RIMS1: variants seen among roughly 807,000 people sequenced by gnomAD.
RIMS1 encodes the protein regulating synaptic membrane exocytosis 1, also known as regulating synaptic membrane exocytosis protein 1.
Under a neutral mutation model 214.1 loss-of-function variants are expected in RIMS1, and 83 were observed. The ratio of observed to expected loss-of-function variants is 0.39; its 90% CI spans 0.32 to 0.47. The LOEUF (loss-of-function observed/expected upper bound fraction) is 0.47. Among genes scored for constraint, RIMS1 ranks in the 20% least tolerant of loss-of-function variants. RIMS1 has a pLI of 0.99. For missense variants in RIMS1, 2,050 were observed against 2,161.8 expected (o/e 0.95, Z 1.03); for synonymous variants, 793 against 786.8 (o/e 1.01, Z -0.13).
chr6:72,349,998 T>C (rs986853584), intron 29 of RIMS1, among the ~76,000 whole-genome samples: 1 of 152,032 alleles, frequency 6.6e-6, no homozygotes, highest in African/African-American at 2.4e-5. Context: ...GCAAGGAAAA[T>C]AGTAGGAAAA....
At chr6:72,176,774 A>G (rs944699446) in intron 4 of RIMS1, among the ~76,000 whole-genome samples, 1 of 152,254 alleles carries the variant, frequency 6.6e-6, no homozygotes, top group African/African-American at 2.4e-5. Context: ...AAATGAATAC[A>G]AAGTATTTTA....
chr6:72,094,108 G>GT (rs149450377), intron 2 of RIMS1, among the ~76,000 whole-genome samples: 51,031 of 151,842 alleles, frequency 0.34, 10,045 homozygotes, highest in South Asian at 0.47. Flanking sequence ...GAACTTGTTT[G>GT]TAAGTTGTAT....
At chr6:72,007,268 C>G (rs915497747) in intron 2 of RIMS1, among the ~76,000 whole-genome samples, 6 of 152,200 alleles carry the variant, frequency 3.9e-5, no homozygotes, top group African/African-American at 1.4e-4. Context: ...AGGGTTCTGA[C>G]TGTTAGAAGG....
In RIMS1 at chr6:72,108,857, C is replaced by A. The variant is rs529542801; in HGVS notation, c.471+8871C>A. Among the ~76,000 whole-genome samples, 851 of 118,688 alleles carry A rather than the reference C, an allele frequency of 7.2e-3. 8 individuals are homozygous for A. The highest frequency in any genetic ancestry group is 0.026 in the African/African-American group (819 of 31,272). 77.9% of individuals were successfully genotyped at this position (118,688 alleles called of 152,430 possible). On this transcript the variant is annotated intron_variant, in intron 4 of 33. Transcript: ENST00000521978. Reference sequence around the variant, plus strand: ...TAAAGCTATCCCTCCCCCCTCCCCCCACCCCACCACAGTCCCTAGAGTGTG... The same window carrying A: ...TAAAGCTATCCCTCCCCCCTCCCCCAACCCCACCACAGTCCCTAGAGTGTG...
In RIMS1 at chr6:72,176,170, C is replaced by T. The variant is rs1440426472; in HGVS notation, c.472-3405C>T. On this transcript the variant is annotated intron_variant, in intron 4 of 33. Transcript: ENST00000521978. ...TACTTTAGTTTAGATTAGTTTGGAA[C>T]ACATCCCAGGGTATTTAATCAGGGT... is the stretch of plus-strand genomic sequence containing the variant. 5.9e-5 allele frequency among the ~76,000 whole-genome samples: 9 copies of T among 152,296 alleles called. No homozygotes were observed. The East Asian group carries it at 1.5e-3, about 26-fold the overall frequency.
At chr6:72,319,907 G>A (rs1054283999) in intron 28 of RIMS1, among the ~76,000 whole-genome samples, 3 of 152,132 alleles carry the variant, frequency 2.0e-5, no homozygotes, top group East Asian at 1.9e-4. Flanking sequence ...ATGAAATAGT[G>A]TATATCAGAA....
chr6:71,911,626 A>G (rs927551015), intron 1 of RIMS1, among the ~76,000 whole-genome samples: 5 of 152,146 alleles, frequency 3.3e-5, no homozygotes, highest in Admixed American at 6.6e-5. Flanking sequence ...GATCAACTCT[A>G]TGGAAATAGG....
At chr6:72,247,263 A>T (rs1164195858) in intron 11 of RIMS1, among the ~76,000 whole-genome samples, 1 of 152,114 alleles carries the variant, frequency 6.6e-6, no homozygotes, top group East Asian at 1.9e-4. Context: ...GAGGTTCAGG[A>T]TACTCATTTA....
chr6:72,042,999 C>T (rs1821881689), intron 2 of RIMS1, among the ~76,000 whole-genome samples: 1 of 151,798 alleles, frequency 6.6e-6, no homozygotes, highest in Non-Finnish European at 1.5e-5. Flanking sequence ...GAGCTAGCTT[C>T]AGACACTTGA....
intron 4 of RIMS1, among the ~76,000 whole-genome samples, chr6:72,126,242 C>T (rs1214151848): frequency 6.6e-6 from 1 of 152,170 alleles, no homozygotes; most frequent in African/African-American, 2.4e-5. Flanking sequence ...AAACTTGATC[C>T]TCACTTCTTA....
intron 6 of RIMS1, among the ~76,000 whole-genome samples, chr6:72,202,865 C>T (rs1325690436): frequency 6.6e-6 from 1 of 152,118 alleles, no homozygotes; most frequent in Non-Finnish European, 1.5e-5. Flanking sequence ...CGTTTTAGAA[C>T]CTGGAAATAA....
Position 72,251,062 on chromosome 6 carries a change from G to T in RIMS1, c.2514G>T (p.Val838=), listed in dbSNP as rs763002769. Residue 838 remains valine (V), a synonymous_variant, in exon 14 of 34, where the codon GTG becomes GTT. Coordinates refer to ENST00000521978, the MANE Select transcript of RIMS1 (RefSeq NM_014989.7). The stretch of plus-strand genomic sequence containing the variant: ...TAACTGTGTGGGACCAACCAAGAGT[G>T]CAAGAAGAAGAAAGTGAATTTCTTG... ...LEITVWDQPR[V]QEEESEFLGE... The T allele has an allele frequency of 2.5e-6, 4 of 1,586,180 alleles. No homozygotes were observed. In the Admixed American group the frequency reaches 5.3e-5, roughly 21 times the overall value.
chr6:72,187,859 A>T (rs2049391258), intron 6 of RIMS1, among the ~76,000 whole-genome samples: 1 of 152,054 alleles, frequency 6.6e-6, no homozygotes, highest in Non-Finnish European at 1.5e-5. Context: ...TACAGGATAG[A>T]TGTATATATA....
At chr6:72,256,466 T>G (rs1206664869) in intron 16 of RIMS1, among the ~76,000 whole-genome samples, 1 of 152,134 alleles carries the variant, frequency 6.6e-6, no homozygotes, top group Non-Finnish European at 1.5e-5. Context: ...GAAACAATTA[T>G]ATACCTTTTA....
intron 5 of RIMS1, 75 bp from the exon 6 acceptor site, chr6:72,182,209 G>T: frequency 7.0e-7 from 1 of 1,418,974 alleles, no homozygotes; most frequent in South Asian, 1.5e-5. Context: ...TTTAAGACTG[G>T]AATGAGAAGA....
chr6:72,009,882 A>T (rs913137946), intron 2 of RIMS1, among the ~76,000 whole-genome samples: 2 of 152,242 alleles, frequency 1.3e-5, no homozygotes, highest in African/African-American at 4.8e-5. Context: ...TCACAGCCGA[A>T]TTCTACCAGA....
chr6:72,331,870 G>C (rs1319182564), intron 28 of RIMS1, among the ~76,000 whole-genome samples: 1 of 151,820 alleles, frequency 6.6e-6, no homozygotes, highest in Non-Finnish European at 1.5e-5. Context: ...ATGTGGACAA[G>C]TTCAAGTAAT....
At chr6:72,122,201 T>TTTTTC in intron 4 of RIMS1, among the ~76,000 whole-genome samples, 1 of 59,576 alleles carries the variant, frequency 1.7e-5, no homozygotes, top group Non-Finnish European at 3.6e-5. Context: ...CCTCTTTTCC[T>TTTTTC]TTTTTCTTTT....
chr6:72,261,642 G>A, intron 19 of RIMS1: 2 of 985,230 alleles, frequency 2.0e-6, no homozygotes, highest in Non-Finnish European at 2.4e-6. Context: ...TAAAAAGCAA[G>A]AGGAAAGAGA....
Sources: allele counts gnomAD v4.1 joint callset (sites outside exome capture counted in the v4.1 genomes callset), GRCh38; gene constraint gnomAD v4.1.1; transcripts MANE v1.5; gene names NCBI Gene and HGNC (gene_info 2026-07-23, HGNC 2026-07-21).